RASSF3: variants seen among roughly 807,000 people sequenced by gnomAD.
RASSF3 encodes the protein Ras association domain family member 3.
RASSF3 carries 19 observed loss-of-function variants against 19.9 expected under a neutral mutation model. That is an observed-to-expected ratio of 0.96 (90% CI 0.67 to 1.40). The LOEUF is 1.40. RASSF3 is among the 40% of genes most tolerant of loss of function. The probability of loss-of-function intolerance (pLI) is 0.00; values close to 1 mark genes in which losing one functional copy is unlikely to be tolerated. For missense variants in RASSF3, 306 were observed against 289.8 expected (o/e 1.06, Z -0.41); for synonymous variants, 110 against 104.2 (o/e 1.06, Z -0.34).
At chr12:64,551,575 C>T (rs546558266) in intron 2 of RASSF3, among the ~76,000 whole-genome samples, 1 of 152,094 alleles carries the variant, frequency 6.6e-6, no homozygotes, top group South Asian at 2.1e-4. Context: ...GACCCTGTCT[C>T]AAAAATAATA....
chr12:64,660,052 G>GTGTATATATATGTGTGTGTATGTA (rs1872299217), intron 1 of RASSF3, among the ~76,000 whole-genome samples: 1 of 109,442 alleles, frequency 9.1e-6, no homozygotes, highest in Non-Finnish European at 2.3e-5. Flanking sequence ...GTGTGTGTAT[G>GTGTATATATATGTGTGTGTATGTA]TATATATATA....
chr12:64,507,366 G>GT lies in RASSF3; in HGVS notation c.169+44dup, dbSNP rs569094796. On this transcript the variant is annotated intron_variant, in intron 1 of 5. Transcript: ENST00000637125. Reference sequence around the variant, plus strand: ...CAGGCTAATGCCTTATTTCAAATCCGTTTTTTTGTGTGTGTGTGTTACATT... The same window carrying GT: ...CAGGCTAATGCCTTATTTCAAATCCGTTTTTTTTGTGTGTGTGTGTTACATT... 3,221 of 377,542 alleles carry GT rather than the reference G, an allele frequency of 8.5e-3. 50 individuals are homozygous for GT. Among genetic ancestry groups the GT allele is most frequent in the African/African-American group, 0.044 (2,124 of 48,004 alleles). 23.4% of individuals were successfully genotyped at this position (377,542 alleles called of 1,614,324 possible). A position where few individuals can be genotyped will look rare whatever the true frequency, so the allele number is the denominator to read the frequency against.
At chr12:64,507,536 A>G (rs972098937) in intron 1 of RASSF3, 1 of 364,538 alleles carries the variant, frequency 2.7e-6, no homozygotes, top group Non-Finnish European at 4.9e-6. Flanking sequence ...ATTAGAAGCC[A>G]TGAACATTGT....
chr12:64,581,468 G>A (rs1869695323), intron 2 of RASSF3, among the ~76,000 whole-genome samples: 1 of 152,178 alleles, frequency 6.6e-6, no homozygotes, highest in African/African-American at 2.4e-5. Context: ...CCAGCCCTTT[G>A]GGAGGCCAAG....
intron 2 of RASSF3, among the ~76,000 whole-genome samples, chr12:64,601,414 A>G (rs965721876): frequency 6.6e-6 from 1 of 152,226 alleles, no homozygotes; most frequent in African/African-American, 2.4e-5. Flanking sequence ...AAGTTTTCAG[A>G]AGCTTTAGGT....
chr12:64,650,396 T>TC (rs1199661166), intron 1 of RASSF3, among the ~76,000 whole-genome samples: 1 of 147,572 alleles, frequency 6.8e-6, no homozygotes, highest in African/African-American at 2.6e-5. Context: ...AGGAGGTGTT[T>TC]CTTTTTTTTT....
chr12:64,636,453 C>T (rs1269414352), intron 1 of RASSF3, among the ~76,000 whole-genome samples: 1 of 151,980 alleles, frequency 6.6e-6, no homozygotes, highest in African/African-American at 2.4e-5. Flanking sequence ...TATTAGTAGG[C>T]TTCGGAAATT....
intron 2 of RASSF3, among the ~76,000 whole-genome samples, chr12:64,603,399 C>T (rs1242198855): frequency 1.3e-5 from 2 of 152,096 alleles, no homozygotes; most frequent in Non-Finnish European, 2.9e-5. Context: ...ACACAGATAC[C>T]GAACTATGGG....
chr12:64,573,585 C>T (rs925376387), intron 2 of RASSF3, among the ~76,000 whole-genome samples: 23 of 152,274 alleles, frequency 1.5e-4, no homozygotes, highest in African/African-American at 5.3e-4. Context: ...CCAGGCTTGA[C>T]TAGGGAAGGA....
At position 64,550,251 on chromosome 12, in the gene RASSF3, CAT is replaced by C. The variant is rs138021433; in HGVS notation, c.294+8547_294+8548del. Among the ~76,000 whole-genome samples, 92 of 148,982 alleles carry C rather than the reference CAT, an allele frequency of 6.2e-4. No individual in the cohort carries two copies. The Middle Eastern group carries it at 0.014, about 22-fold the overall frequency. ...GTAAATTATTCTTCAATATATTTAA[CAT>C]GTAAGGGGAAAACAAGAAAGGGAAA... On this transcript the variant is annotated intron_variant, in intron 2 of 5. Transcript: ENST00000637125.
At chr12:64,666,934 A>G (rs1001066610) in intron 1 of RASSF3, among the ~76,000 whole-genome samples, 2 of 152,224 alleles carry the variant, frequency 1.3e-5, no homozygotes, top group African/African-American at 4.8e-5. Context: ...TCCCATGAAA[A>G]TTGAGAAGTG....
At chr12:64,557,614 G>T (rs1308151727) in intron 2 of RASSF3, among the ~76,000 whole-genome samples, 1 of 152,116 alleles carries the variant, frequency 6.6e-6, no homozygotes, top group Non-Finnish European at 1.5e-5. Flanking sequence ...TGGGAGTGAT[G>T]GTAGGTAAGG....
At chr12:64,571,690 C>T (rs1869522088) in intron 2 of RASSF3, among the ~76,000 whole-genome samples, 1 of 152,176 alleles carries the variant, frequency 6.6e-6, no homozygotes, top group African/African-American at 2.4e-5. Flanking sequence ...CAGCAATTAT[C>T]TCCCTATCGT....
intron 2 of RASSF3, among the ~76,000 whole-genome samples, chr12:64,555,878 A>C (rs1012549484): frequency 2.0e-5 from 3 of 152,092 alleles, no homozygotes; most frequent in African/African-American, 7.2e-5. Flanking sequence ...ACATAAAGAG[A>C]TCTATTAAAA....
At chr12:64,613,396 A>C (rs746771955) in intron 1 of RASSF3, among the ~76,000 whole-genome samples, 1 of 151,912 alleles carries the variant, frequency 6.6e-6, no homozygotes, top group Non-Finnish European at 1.5e-5. Context: ...AGTGAGAAAA[A>C]TGAGGTTTCT....
intron 1 of RASSF3, among the ~76,000 whole-genome samples, chr12:64,647,412 C>CT (rs10633120): frequency 0.012 from 1,580 of 136,874 alleles, 19 homozygotes; most frequent in African/African-American, 0.016. Flanking sequence ...ATTTTTTTTT[C>CT]TTTTTTTTTT....
chr12:64,578,486 T>G (rs1365866163), intron 2 of RASSF3, among the ~76,000 whole-genome samples: 1 of 152,004 alleles, frequency 6.6e-6, no homozygotes, highest in East Asian at 1.9e-4. Context: ...AGACCCTGTC[T>G]CTACAAAAAA....
chr12:64,580,422 G>A (rs1030690054), intron 2 of RASSF3, among the ~76,000 whole-genome samples: 11 of 152,048 alleles, frequency 7.2e-5, no homozygotes, highest in African/African-American at 2.4e-4. Context: ...CAACAGAGCC[G>A]GCACAGTGGT....
chr12:64,559,643 T>C (rs986962491), intron 2 of RASSF3, among the ~76,000 whole-genome samples: 2 of 152,172 alleles, frequency 1.3e-5, no homozygotes, highest in African/African-American at 4.8e-5. Context: ...GCATTTCCAC[T>C]TTTCTCAGCA....
Sources: allele counts gnomAD v4.1 joint callset (sites outside exome capture counted in the v4.1 genomes callset), GRCh38; gene constraint gnomAD v4.1.1; transcripts MANE v1.5; gene names NCBI Gene and HGNC (gene_info 2026-07-23, HGNC 2026-07-21).